Variants in LRFN5 observed in about 807,000 individuals in gnomAD.
LRFN5 encodes the protein leucine rich repeat and fibronectin type III domain containing 5, also known as leucine-rich repeat and fibronectin type-III domain-containing protein 5.
Under a neutral mutation model 45.6 loss-of-function variants are expected in LRFN5, and 24 were observed. The ratio of observed to expected loss-of-function variants is 0.53; its 90% CI spans 0.38 to 0.74. LRFN5 has a LOEUF of 0.74. Ranked by LOEUF, LRFN5 falls within the 30% of genes least tolerant of loss-of-function variation. The pLI is 0.00. For synonymous variants in LRFN5, 340 were observed against 313.8 expected (o/e 1.08, Z -0.88); for missense variants, 776 against 861.5 (o/e 0.90, Z 1.24).
intron 1 of LRFN5, among the ~76,000 whole-genome samples, chr14:41,735,873 G>A (rs769174593): frequency 1.3e-5 from 2 of 151,994 alleles, no homozygotes; most frequent in Non-Finnish European, 2.9e-5. Context: ...TTCTGTTCCT[G>A]TGTTAGTTTG....
intron 1 of LRFN5, among the ~76,000 whole-genome samples, chr14:41,621,464 T>C (rs1348067137): frequency 2.0e-5 from 3 of 152,146 alleles, no homozygotes; most frequent in Non-Finnish European, 4.4e-5. Context: ...CATTTTAAAC[T>C]GAAATGATAA....
intron 1 of LRFN5, among the ~76,000 whole-genome samples, chr14:41,738,990 G>T (rs1221586383): frequency 3.9e-5 from 6 of 152,154 alleles, no homozygotes; most frequent in Non-Finnish European, 5.9e-5. Flanking sequence ...CTCTTCTATA[G>T]ATCACATGTT....
intron 2 of LRFN5, among the ~76,000 whole-genome samples, chr14:41,825,866 T>G (rs984726424): frequency 6.6e-6 from 1 of 152,166 alleles, no homozygotes; most frequent in African/African-American, 2.4e-5. Context: ...CTCCAGCAGT[T>G]TGGAAACCAG....
chr14:41,846,851 C>T (rs1889086427), intron 2 of LRFN5, among the ~76,000 whole-genome samples: 1 of 152,112 alleles, frequency 6.6e-6, no homozygotes, highest in Non-Finnish European at 1.5e-5. Flanking sequence ...AGGTCAGGAC[C>T]ATTCCTAACT....
chr14:41,714,648 G>A (rs1431288152), intron 1 of LRFN5, among the ~76,000 whole-genome samples: 1 of 152,116 alleles, frequency 6.6e-6, no homozygotes, highest in East Asian at 1.9e-4. Flanking sequence ...GCTCATGCCT[G>A]TAATCTCAGC....
At chr14:41,687,441 GA>G (rs1566621441) in intron 1 of LRFN5, among the ~76,000 whole-genome samples, 1 of 152,152 alleles carries the variant, frequency 6.6e-6, no homozygotes, top group Non-Finnish European at 1.5e-5. Context: ...ATTCCTCAAG[GA>G]TCTAGAACCA....
At chr14:41,713,651 A>C (rs2138752188) in intron 1 of LRFN5, among the ~76,000 whole-genome samples, 1 of 152,244 alleles carries the variant, frequency 6.6e-6, no homozygotes, top group Non-Finnish European at 1.5e-5. Flanking sequence ...GTAATCAGAA[A>C]ATTAAAAATT....
chr14:41,716,969 G>C (rs1883518966), intron 1 of LRFN5, among the ~76,000 whole-genome samples: 2 of 152,106 alleles, frequency 1.3e-5, no homozygotes, highest in Non-Finnish European at 2.9e-5. Context: ...ACTTTTCTAT[G>C]CTCTATTTTC....
chr14:41,764,204 G>A (rs991728839), intron 1 of LRFN5, among the ~76,000 whole-genome samples: 6 of 151,978 alleles, frequency 3.9e-5, no homozygotes, highest in African/African-American at 1.4e-4. Context: ...TGAGATATAA[G>A]ACATTTCATA....
chr14:41,633,827 C>A (rs759738144), intron 1 of LRFN5, among the ~76,000 whole-genome samples: 6 of 151,532 alleles, frequency 4.0e-5, no homozygotes, highest in Non-Finnish European at 7.4e-5. Flanking sequence ...TGGAATAGAC[C>A]CTATCTTCCT....
At chr14:41,698,894 A>C (rs1040624107) in intron 1 of LRFN5, among the ~76,000 whole-genome samples, 2 of 152,070 alleles carry the variant, frequency 1.3e-5, no homozygotes, top group Non-Finnish European at 2.9e-5. Context: ...TGGTAAGAAA[A>C]TGTGCTGACT....
chr14:41,805,742 A>G (rs892160110), intron 2 of LRFN5, among the ~76,000 whole-genome samples: 6 of 152,266 alleles, frequency 3.9e-5, no homozygotes, highest in Admixed American at 3.9e-4. Flanking sequence ...CAAACACCGT[A>G]TAAGTTTTAT....
Position 41,887,590 on chromosome 14 carries a change from C to A in LRFN5, c.965C>A (p.Ser322Tyr). The A allele has an allele frequency of 2.5e-6, 4 of 1,614,206 alleles. No homozygotes were observed. The highest frequency in any genetic ancestry group is 3.4e-6 in the Non-Finnish European group (4 of 1,180,032). ...CCTGAGCCTGCAATTCACTGGATTT[C>A]TCCTGAAGGGAAGCTTATTTCAAAT... Reference protein sequence around the residue: ...GDPEPAIHWISPEGKLISNAT... With the variant: ...GDPEPAIHWIYPEGKLISNAT... The change falls in exon 3 of 6, where the codon TCT becomes TAT. Residue 322 changes from serine to tyrosine, a missense_variant. By Grantham distance (144) the Ser-to-Tyr change is moderately radical. This residue lies in a region of LRFN5 where 311 missense variants were observed against 405.1 expected (regional missense o/e 0.77). Transcript: ENST00000298119. The surrounding 1 kb of genome is among the most constrained non-coding windows in gnomAD (Gnocchi z 4.8).
intron 2 of LRFN5, among the ~76,000 whole-genome samples, chr14:41,856,675 A>ATTATTATTATTATTTTTT: frequency 1.1e-4 from 2 of 18,330 alleles, no homozygotes; most frequent in Admixed American, 1.2e-3. Flanking sequence ...TATTATTATT[A>ATTATTATTATTATTTTTT]TTTTTTTTTT....
At chr14:41,793,387 G>A (rs1212652829) in intron 2 of LRFN5, among the ~76,000 whole-genome samples, 3 of 152,068 alleles carry the variant, frequency 2.0e-5, no homozygotes, top group African/African-American at 7.2e-5. Context: ...TAATGCATGT[G>A]TATTGTGTTT....
intron 1 of LRFN5, among the ~76,000 whole-genome samples, chr14:41,734,316 T>TATATATATATATATATATATATATA (rs1884314909): frequency 7.7e-5 from 3 of 38,768 alleles, no homozygotes; most frequent in Non-Finnish European, 6.9e-5. Flanking sequence ...TGGACTGGTT[T>TATATATATATATATATATATATATA]TATATATATA....
At chr14:41,706,447 T>G (rs552393044) in intron 1 of LRFN5, among the ~76,000 whole-genome samples, 1 of 152,222 alleles carries the variant, frequency 6.6e-6, no homozygotes, top group African/African-American at 2.4e-5. Context: ...TTAAAATTTT[T>G]TATTTTTTAT....
intron 1 of LRFN5, among the ~76,000 whole-genome samples, chr14:41,630,881 G>C (rs774862876): frequency 7.2e-5 from 11 of 151,978 alleles, no homozygotes; most frequent in Non-Finnish European, 1.3e-4. Flanking sequence ...TTAATTAAAT[G>C]AATTTAACTG....
intron 1 of LRFN5, among the ~76,000 whole-genome samples, chr14:41,759,498 CAG>C (rs1218257938): frequency 0.14 from 3,003 of 22,226 alleles, 57 homozygotes; most frequent in East Asian, 0.22. Context: ...CACACACACA[CAG>C]AGAGAGCACC....
Sources: allele counts gnomAD v4.1 joint callset (sites outside exome capture counted in the v4.1 genomes callset), GRCh38; gene constraint gnomAD v4.1.1; regional missense constraint gnomAD v4.1.1; non-coding constraint Gnocchi (gnomAD v3.1); transcripts MANE v1.5; gene names NCBI Gene and HGNC (gene_info 2026-07-23, HGNC 2026-07-21).